DLG2: variants seen among roughly 807,000 people sequenced by gnomAD.
The protein encoded by DLG2 is discs large MAGUK scaffold protein 2, also known as disks large homolog 2.
Under a neutral mutation model 132.5 loss-of-function variants are expected in DLG2, and 45 were observed. That is an observed-to-expected ratio of 0.34 (90% CI 0.27 to 0.44). The LOEUF (loss-of-function observed/expected upper bound fraction) is 0.44, where lower values mean the gene tolerates loss of function less well. Ranked by LOEUF, DLG2 falls within the 20% of genes least tolerant of loss-of-function variation. The pLI is 1.00. For missense variants in DLG2, 1,045 were observed against 1,196.9 expected, an observed-to-expected ratio of 0.87 and a Z score of 1.87; for synonymous variants, 424 against 419.6, an observed-to-expected ratio of 1.01 and a Z score of -0.13.
intron 17 of DLG2, among the ~76,000 whole-genome samples, chr11:83,810,915 C>T (rs2047095805): frequency 6.6e-6 from 1 of 152,052 alleles, no homozygotes; most frequent in South Asian, 2.1e-4. Flanking sequence ...TTCTCAAAGA[C>T]CTAACTGTAG....
At chr11:85,393,506 A>G (rs1407778322) in intron 3 of DLG2, among the ~76,000 whole-genome samples, 3 of 152,148 alleles carry the variant, frequency 2.0e-5, no homozygotes, top group Admixed American at 1.3e-4. Context: ...TATGAAAAAG[A>G]CACCTGCACA....
intron 18 of DLG2, among the ~76,000 whole-genome samples, chr11:83,652,935 T>C (rs546901718): frequency 1.3e-5 from 2 of 152,360 alleles, no homozygotes; most frequent in African/African-American, 4.8e-5. Flanking sequence ...CTTTTAATTC[T>C]TTCAAAAGCT....
At chr11:85,386,470 TTC>T (rs1326862606) in intron 3 of DLG2, among the ~76,000 whole-genome samples, 3 of 152,196 alleles carry the variant, frequency 2.0e-5, no homozygotes, top group African/African-American at 4.8e-5. Flanking sequence ...CTGATTTTTT[TTC>T]TGTGTTGTTC....
intron 17 of DLG2, among the ~76,000 whole-genome samples, chr11:83,814,352 T>A (rs1012855775): frequency 1.3e-5 from 2 of 152,192 alleles, no homozygotes; most frequent in African/African-American, 4.8e-5. Flanking sequence ...CCCTTTCCTA[T>A]TTCCTATTTT....
At chr11:83,779,844 A>G (rs1187891145) in intron 18 of DLG2, among the ~76,000 whole-genome samples, 1 of 152,214 alleles carries the variant, frequency 6.6e-6, no homozygotes, top group African/African-American at 2.4e-5. Context: ...ATGTATTAAA[A>G]ATGCAAAGAA....
chr11:84,224,523 A>G (rs918389709), intron 8 of DLG2, among the ~76,000 whole-genome samples: 1 of 152,230 alleles, frequency 6.6e-6, no homozygotes, highest in African/African-American at 2.4e-5. Context: ...GACAGCTAAG[A>G]CATACACTTT....
intron 14 of DLG2, among the ~76,000 whole-genome samples, chr11:83,937,282 C>T (rs568509324): frequency 8.6e-5 from 13 of 151,866 alleles, no homozygotes; most frequent in Non-Finnish European, 1.5e-4. Context: ...CCGAGGTGGG[C>T]GGATCACGAG....
intron 3 of DLG2, among the ~76,000 whole-genome samples, chr11:85,419,740 T>C (rs1565464630): frequency 6.6e-6 from 1 of 152,236 alleles, no homozygotes; most frequent in Admixed American, 6.5e-5. Context: ...GATACTTGCA[T>C]ATGCTTCACA....
At chr11:84,096,235 T>C (rs2154175706) in intron 10 of DLG2, among the ~76,000 whole-genome samples, 2 of 152,214 alleles carry the variant, frequency 1.3e-5, no homozygotes, top group Admixed American at 1.3e-4. Flanking sequence ...CCTACTTATA[T>C]GGCTACTGAA....
chr11:84,076,579 C>T (rs989071559), intron 10 of DLG2, among the ~76,000 whole-genome samples: 2 of 152,162 alleles, frequency 1.3e-5, no homozygotes, highest in Admixed American at 1.3e-4. Context: ...GTTCACTTCC[C>T]ACTTATAACT....
At chr11:84,643,854 G>A (rs991739616) in intron 6 of DLG2, among the ~76,000 whole-genome samples, 105 of 152,174 alleles carry the variant, frequency 6.9e-4, no homozygotes, top group Non-Finnish European at 1.5e-4. Flanking sequence ...AACCATAGAA[G>A]CAAGCAGGTG....
intron 4 of DLG2, among the ~76,000 whole-genome samples, chr11:85,171,719 TC>T (rs1566964851): frequency 6.6e-6 from 1 of 152,098 alleles, no homozygotes; most frequent in Non-Finnish European, 1.5e-5. Context: ...CAGACCAAGT[TC>T]CTGGGGGGAA....
rs796989859 is a variant in DLG2, at chr11:83,906,257, T to A, written c.1496+24071A>T. On this transcript the variant is annotated intron_variant, in intron 15 of 27. Coordinates refer to ENST00000376104, the MANE Select transcript of DLG2 (RefSeq NM_001142699.3). ...GTCTCTCTCTCTCTCTCTCTCTCTCTCACACACACACACACACACACACAC... is the reference window on the plus strand; with the variant it reads ...GTCTCTCTCTCTCTCTCTCTCTCTCACACACACACACACACACACACACAC... Among the ~76,000 whole-genome samples, 428 of 67,110 alleles carry A rather than the reference T, an allele frequency of 6.4e-3. 1 individual carries two copies. Among genetic ancestry groups the A allele is most frequent in the South Asian group, 0.019 (29 of 1,562 alleles). 44.0% of individuals were successfully genotyped at this position (67,110 alleles called of 152,430 possible). A position where few individuals can be genotyped will look rare whatever the true frequency, so the allele number is the denominator to read the frequency against.
At position 84,161,130 on chromosome 11, in the gene DLG2, G is replaced by A. The variant is rs118055019; in HGVS notation, c.624+2331C>T. ...CCAGTTGCTGAGGCAGTGGCATGGA[G>A]TGAAGAGGAAAGTGTTGGCTTAACC... is the stretch of plus-strand genomic sequence containing the variant. On this transcript the variant is annotated intron_variant, in intron 9 of 27. Transcript: ENST00000376104. 3.4e-4 allele frequency among the ~76,000 whole-genome samples: 52 copies of A among 152,324 alleles called. No homozygotes were observed. In the East Asian group the frequency reaches 8.3e-3, roughly 24 times the overall value.
At chr11:85,220,040 T>C (rs1343324171) in intron 4 of DLG2, among the ~76,000 whole-genome samples, 1 of 152,080 alleles carries the variant, frequency 6.6e-6, no homozygotes, top group Non-Finnish European at 1.5e-5. Flanking sequence ...ATCCATCACA[T>C]ATTTATGAAG....
chr11:83,504,204 G>T (rs922584832), intron 21 of DLG2, among the ~76,000 whole-genome samples: 1 of 152,176 alleles, frequency 6.6e-6, no homozygotes, highest in African/African-American at 2.4e-5. Flanking sequence ...AGCTGGTATT[G>T]ATGACTTCTT....
chr11:85,440,610 T>G (rs1277242806), intron 3 of DLG2, among the ~76,000 whole-genome samples: 1 of 152,220 alleles, frequency 6.6e-6, no homozygotes, highest in Non-Finnish European at 1.5e-5. Flanking sequence ...AGACTGTTTT[T>G]GAAAATTCAT....
At chr11:84,252,712 C>CT (rs945748380) in intron 7 of DLG2, among the ~76,000 whole-genome samples, 1 of 152,136 alleles carries the variant, frequency 6.6e-6, no homozygotes, top group African/African-American at 2.4e-5. Flanking sequence ...GCTATCTTTA[C>CT]TTTTTAGTTT....
At chr11:85,378,771 C>G (rs1007646306) in intron 3 of DLG2, among the ~76,000 whole-genome samples, 4 of 152,050 alleles carry the variant, frequency 2.6e-5, no homozygotes, top group Admixed American at 2.0e-4. Context: ...AGTACTAAAA[C>G]CACACCAAAA....
Sources: allele counts gnomAD v4.1 joint callset (sites outside exome capture counted in the v4.1 genomes callset), GRCh38; gene constraint gnomAD v4.1.1; transcripts MANE v1.5; gene names NCBI Gene and HGNC (gene_info 2026-07-23, HGNC 2026-07-21).